The following DLG2 variants were observed in gnomAD, a reference collection of about 807,000 sequenced individuals.
The protein encoded by DLG2 is disks large homolog 2.
In DLG2, 45 loss-of-function variants were observed where a neutral mutation model predicts 132.5. The ratio of observed to expected loss-of-function variants is 0.34; its 90% CI spans 0.27 to 0.44. The LOEUF is 0.44. DLG2 is among the 20% of genes least tolerant of loss of function. The probability of loss-of-function intolerance (pLI) is 1.00; values close to 1 mark genes in which losing one functional copy is unlikely to be tolerated. For synonymous variants in DLG2, 424 were observed against 419.6 expected (o/e 1.01, Z -0.13); for missense variants, 1,045 against 1,196.9 (o/e 0.87, Z 1.87).
At chr11:85,389,318 A>T (rs887791335) in intron 3 of DLG2, among the ~76,000 whole-genome samples, 1 of 152,186 alleles carries the variant, frequency 6.6e-6, no homozygotes. Flanking sequence ...AGAAAAAATA[A>T]TTTTTTAAAA....
At chr11:85,170,911 G>A (rs1395826412) in intron 4 of DLG2, among the ~76,000 whole-genome samples, 1 of 150,878 alleles carries the variant, frequency 6.6e-6, no homozygotes, top group African/African-American at 2.4e-5. Flanking sequence ...CTCTAATTAG[G>A]ACTCCACAAA....
intron 3 of DLG2, among the ~76,000 whole-genome samples, chr11:85,377,803 A>ATATATATATATATGTG (rs35141583): frequency 3.2e-4 from 42 of 131,306 alleles, no homozygotes; most frequent in Admixed American, 7.8e-4. Context: ...ATATATATAT[A>ATATATATATATATGTG]TGTGTGTGTG....
intron 18 of DLG2, among the ~76,000 whole-genome samples, chr11:83,741,812 T>C (rs57681765): frequency 0.22 from 33,048 of 151,662 alleles, 5,810 homozygotes; most frequent in African/African-American, 0.49. Flanking sequence ...AAAGAGACCA[T>C]CCTGGTTAAC....
intron 6 of DLG2, among the ~76,000 whole-genome samples, chr11:85,081,869 T>G (rs2067276108): frequency 6.6e-6 from 1 of 152,156 alleles, no homozygotes; most frequent in African/African-American, 2.4e-5. Flanking sequence ...CCTTACTTGT[T>G]GTTTGTAAAT....
At chr11:84,776,842 G>A (rs2070620962) in intron 6 of DLG2, among the ~76,000 whole-genome samples, 1 of 152,026 alleles carries the variant, frequency 6.6e-6, no homozygotes, top group African/African-American at 2.4e-5. Flanking sequence ...TAGAAGATTA[G>A]GGATAAATCT....
intron 6 of DLG2, among the ~76,000 whole-genome samples, chr11:84,712,582 C>T (rs764467248): frequency 7.2e-5 from 11 of 151,924 alleles, no homozygotes; most frequent in Non-Finnish European, 1.6e-4. Context: ...AGGTGAATTT[C>T]AAAGTGTTTG....
intron 7 of DLG2, among the ~76,000 whole-genome samples, chr11:84,401,264 C>T (rs192472043): frequency 2.6e-5 from 4 of 152,146 alleles, no homozygotes; most frequent in Non-Finnish European, 5.9e-5. Context: ...ACCTTGCAGA[C>T]TCTCTTACCA....
At chr11:84,900,803 C>T (rs1372588504) in intron 6 of DLG2, among the ~76,000 whole-genome samples, 1 of 151,874 alleles carries the variant, frequency 6.6e-6, no homozygotes, top group African/African-American at 2.4e-5. Context: ...TTTCTATTTA[C>T]CAAGCTTCTG....
chr11:85,454,401 G>T (rs779342844), intron 3 of DLG2, among the ~76,000 whole-genome samples: 1 of 151,870 alleles, frequency 6.6e-6, no homozygotes, highest in African/African-American at 2.4e-5. Flanking sequence ...TTGTAAATTT[G>T]ATCATGTTCT....
intron 6 of DLG2, among the ~76,000 whole-genome samples, chr11:84,630,768 A>G (rs1346076823): frequency 6.6e-6 from 1 of 152,100 alleles, no homozygotes; most frequent in African/African-American, 2.4e-5. Context: ...TGTTCCAGCA[A>G]TTCCTTGTAA....
At chr11:85,263,277 T>G (rs1168916406) in intron 4 of DLG2, among the ~76,000 whole-genome samples, 2 of 152,256 alleles carry the variant, frequency 1.3e-5, no homozygotes, top group Middle Eastern at 3.4e-3. Flanking sequence ...TCCAATGCTG[T>G]TTGAGATCAC....
At chr11:84,690,611 G>A (rs796863915) in intron 6 of DLG2, among the ~76,000 whole-genome samples, 67 of 151,956 alleles carry the variant, frequency 4.4e-4, no homozygotes, top group African/African-American at 1.6e-3. Context: ...CTTAATGGCA[G>A]CTATTTATTG....
intron 16 of DLG2, among the ~76,000 whole-genome samples, 189 bp downstream of exon 16, chr11:83,874,229 GAA>G (rs1349306321): frequency 2.5e-5 from 1 of 39,358 alleles, no homozygotes; most frequent in Non-Finnish European, 4.2e-5. Context: ...AAGAAAGAAA[GAA>G]AGACAAAGAA....
At chr11:84,564,818 C>T (rs888470837) in intron 6 of DLG2, among the ~76,000 whole-genome samples, 5 of 152,096 alleles carry the variant, frequency 3.3e-5, no homozygotes, top group African/African-American at 1.2e-4. Context: ...CTACAGTTAC[C>T]AAAGAAGTTA....
chr11:84,102,916 G>A (rs1337916165), intron 9 of DLG2, among the ~76,000 whole-genome samples: 5 of 152,052 alleles, frequency 3.3e-5, no homozygotes, highest in Non-Finnish European at 7.4e-5. Flanking sequence ...TGTGGCTCTG[G>A]CATTTTCTAA....
intron 18 of DLG2, among the ~76,000 whole-genome samples, chr11:83,649,773 G>A (rs2069485277): frequency 6.6e-6 from 1 of 152,112 alleles, no homozygotes; most frequent in Non-Finnish European, 1.5e-5. Flanking sequence ...AGGAGGAAGG[G>A]AGGCATAAGG....
At chr11:84,435,525 G>T (rs1354277528) in intron 7 of DLG2, among the ~76,000 whole-genome samples, 2 of 152,156 alleles carry the variant, frequency 1.3e-5, no homozygotes, top group African/African-American at 4.8e-5. Context: ...AGGCAGTAGA[G>T]TTGTTATTTC....
At chr11:85,138,372 C>T (rs1361452459) in intron 5 of DLG2, among the ~76,000 whole-genome samples, 2 of 152,226 alleles carry the variant, frequency 1.3e-5, no homozygotes, top group African/African-American at 2.4e-5. Flanking sequence ...TCAATTTTTC[C>T]TATTATACAA....
At chr11:83,617,082 C>A (rs1349574684) in intron 19 of DLG2, among the ~76,000 whole-genome samples, 1 of 152,124 alleles carries the variant, frequency 6.6e-6, no homozygotes, top group Non-Finnish European at 1.5e-5. Flanking sequence ...AATGTAAATT[C>A]TCTGACTTCA....
Sources: gnomAD v4.1 joint callset for allele counts (sites outside exome capture counted in the v4.1 genomes callset) on GRCh38, gnomAD v4.1.1 for gene constraint, MANE v1.5 for transcripts, NCBI Gene and HGNC (gene_info 2026-07-23, HGNC 2026-07-21) for gene names.